USH2A: variants seen among roughly 807,000 people sequenced by gnomAD.
The protein encoded by USH2A is usherin.
In USH2A, 443 loss-of-function variants were observed where a neutral mutation model predicts 538.9. The observed-to-expected ratio is 0.82, with a 90% CI of 0.76 to 0.89. The LOEUF is 0.89. Among genes scored for constraint, USH2A ranks in the 40% least tolerant of loss-of-function variants. The pLI is 0.00. For missense variants in USH2A, 6,633 were observed against 6,324.8 expected, an observed-to-expected ratio of 1.05 and a Z score of -1.65; for synonymous variants, 2,413 against 2,273.5, an observed-to-expected ratio of 1.06 and a Z score of -1.75.
In USH2A at chr1:215,674,139, A is replaced by G. The variant is rs371624323; in HGVS notation, c.13772T>C (p.Met4591Thr). 30 of 1,614,048 alleles carry G rather than the reference A, an allele frequency of 1.9e-5. No homozygotes were observed. The highest frequency in any genetic ancestry group is 2.4e-5 in the Non-Finnish European group (28 of 1,180,024). Residue 4591 changes from methionine to threonine, a missense_variant, in exon 63 of 72, where the codon ATG (methionine) becomes ACG (threonine). Physicochemically the swap from Met to Thr is moderately conservative, Grantham distance 81 (BLOSUM62 -1). Coordinates refer to ENST00000307340, the MANE Select transcript of USH2A (RefSeq NM_206933.4). ...CAGCTGGTTTACTATATATGACTGC[A>G]TACCAAAAGAATTATGAGTTGTGTT... Reference protein sequence around the residue: ...HINTTHNSFGMQSYIVNQLKP... With the variant: ...HINTTHNSFGTQSYIVNQLKP...
At chr1:216,010,013 G>T (rs1429945107) in intron 32 of USH2A, among the ~76,000 whole-genome samples, 3 of 151,982 alleles carry the variant, frequency 2.0e-5, no homozygotes, top group Non-Finnish European at 2.9e-5. Flanking sequence ...AAGTCAAAAG[G>T]CTGTCTTATA....
intron 13 of USH2A, among the ~76,000 whole-genome samples, chr1:216,238,593 T>C: frequency 6.6e-6 from 1 of 152,306 alleles, no homozygotes; most frequent in South Asian, 2.1e-4. Context: ...TTAAAACCAA[T>C]GTGTCTCTAA....
At chr1:216,109,424 T>C (rs920164026) in intron 21 of USH2A, among the ~76,000 whole-genome samples, 25 of 152,196 alleles carry the variant, frequency 1.6e-4, no homozygotes, top group Non-Finnish European at 3.4e-4. Flanking sequence ...AGCACTCTGA[T>C]CACCTATGAA....
chr1:215,667,687 G>A (rs1373202421), intron 64 of USH2A, among the ~76,000 whole-genome samples: 1 of 150,976 alleles, frequency 6.6e-6, no homozygotes, highest in Non-Finnish European at 1.5e-5. Context: ...GACAGAGCGA[G>A]ACTGTGTCTC....
At chr1:215,709,947 A>G (rs573465922) in intron 61 of USH2A, among the ~76,000 whole-genome samples, 26 of 152,250 alleles carry the variant, frequency 1.7e-4, no homozygotes, top group Admixed American at 5.9e-4. Flanking sequence ...TAGAGTGAAG[A>G]AGACCGATGC....
chr1:216,225,933 T>C (rs1293486564), intron 14 of USH2A, among the ~76,000 whole-genome samples: 1 of 152,122 alleles, frequency 6.6e-6, no homozygotes, highest in Non-Finnish European at 1.5e-5. Context: ...TGGGTGATCA[T>C]GTGTTTGAAA....
intron 44 of USH2A, among the ~76,000 whole-genome samples, chr1:215,858,256 C>T (rs148595989): frequency 2.0e-5 from 3 of 151,974 alleles, no homozygotes; most frequent in African/African-American, 7.2e-5. Context: ...AGGTATTGCC[C>T]TACTTGTGGG....
chr1:216,039,072 A>G (rs764507694), intron 32 of USH2A, among the ~76,000 whole-genome samples: 5 of 152,046 alleles, frequency 3.3e-5, no homozygotes, highest in Admixed American at 6.6e-5. Context: ...TAATGGAAGA[A>G]CGACACTTAG....
At chr1:216,377,851 GAAAGAAAGAAAGAAA>G (rs1558061822) in intron 3 of USH2A, among the ~76,000 whole-genome samples, 21 of 133,910 alleles carry the variant, frequency 1.6e-4, no homozygotes, top group African/African-American at 5.8e-4. Flanking sequence ...AAGAAAGAAA[GAAAGAAAGAAAGAAA>G]GAAGGAAAGA....
intron 12 of USH2A, among the ~76,000 whole-genome samples, chr1:216,248,074 A>G (rs557873083): frequency 2.5e-4 from 38 of 152,146 alleles, no homozygotes; most frequent in African/African-American, 8.7e-4. Flanking sequence ...CTATTTTATC[A>G]TTTTCAATTA....
At chr1:216,175,807 A>G (rs192326659) in intron 20 of USH2A, among the ~76,000 whole-genome samples, 5 of 152,272 alleles carry the variant, frequency 3.3e-5, no homozygotes, top group Admixed American at 2.0e-4. Flanking sequence ...TGGTGCCCCA[A>G]CCACAGTCCC....
At chr1:216,204,585 C>A (rs2035071244) in intron 16 of USH2A, among the ~76,000 whole-genome samples, 1 of 152,130 alleles carries the variant, frequency 6.6e-6, no homozygotes, top group South Asian at 2.1e-4. Flanking sequence ...AACAAACTAT[C>A]AAACTTGCTT....
chr1:216,066,670 A>G (rs917100853), intron 30 of USH2A, among the ~76,000 whole-genome samples: 2 of 152,208 alleles, frequency 1.3e-5, no homozygotes, highest in Admixed American at 1.3e-4. Flanking sequence ...ATGTAGTTGT[A>G]TCTCATTCTT....
At chr1:216,399,013 T>A (rs1260504682) in intron 3 of USH2A, among the ~76,000 whole-genome samples, 1 of 152,192 alleles carries the variant, frequency 6.6e-6, no homozygotes, top group African/African-American at 2.4e-5. Context: ...TCCAACTCTT[T>A]ACTAAGTTAG....
intron 35 of USH2A, among the ~76,000 whole-genome samples, chr1:215,975,235 C>G (rs1047081664): frequency 8.5e-5 from 13 of 152,204 alleles, no homozygotes; most frequent in African/African-American, 3.1e-4. Context: ...TGACCTTTGT[C>G]AAATGGATGG....
At chr1:215,699,956 C>G (rs187120636) in intron 61 of USH2A, among the ~76,000 whole-genome samples, 1 of 152,110 alleles carries the variant, frequency 6.6e-6, no homozygotes, top group South Asian at 2.1e-4. Context: ...TCATAAATAG[C>G]TCTTATTATT....
Position 215,934,706 on chromosome 1 carries a change from G to A in USH2A, c.7210C>T (p.Pro2404Ser). Residue 2404 changes from proline to serine, a missense_variant, in exon 38 of 72, where the codon CCT (proline) becomes TCT (serine). Pro to Ser is a moderately conservative substitution (Grantham distance 74, BLOSUM62 -1). Transcript: ENST00000307340. The stretch of plus-strand genomic sequence containing the variant: ...ACTTGTACAGTATAGTTGGTAAAAG[G>A]AACCAGCCCATCGATGAGCACCCAA... The part of the protein sequence containing the change: ...NLWVLIDGLV[P>S]FTNYTVQVNI... The A allele has an allele frequency of 6.2e-7, 1 of 1,612,824 alleles. No individual in the cohort carries two copies. Among genetic ancestry groups the A allele is most frequent in the South Asian group, 1.1e-5 (1 of 91,060 alleles).
In USH2A at chr1:215,876,133, A is replaced by G. The variant is rs187298385; in HGVS notation, c.8681+1625T>C. On this transcript the variant is annotated intron_variant, in intron 43 of 71. Coordinates refer to ENST00000307340, the MANE Select transcript of USH2A (RefSeq NM_206933.4). ...AAGCAAAAATAAATGAATTTATTCT[A>G]CTGAAGTGATAATCATATAGGGATG... Among the ~76,000 whole-genome samples, 19 of 152,124 alleles carry G rather than the reference A, an allele frequency of 1.2e-4. 1 individual carries two copies. Among genetic ancestry groups the G allele is most frequent in the Admixed American group, 1.1e-3 (17 of 15,262 alleles).
At position 216,292,373 on chromosome 1, in the gene USH2A, A is replaced by G. The variant is rs768947579; in HGVS notation, c.1645-3T>C. 9.3e-6 allele frequency: 15 copies of G among 1,613,654 alleles called. No homozygotes were observed. In the South Asian group the frequency reaches 1.3e-4, roughly 14 times the overall value. On this transcript the variant is annotated splice_polypyrimidine_tract_variant and splice_region_variant and intron_variant, in intron 9 of 71. Coordinates refer to ENST00000307340, the MANE Select transcript of USH2A (RefSeq NM_206933.4). ...TAAAGAGGCAAGCAGCGATCACACT[A>G]GAACAAAAAATATCAGAACAGTAAA...
Sources: allele counts gnomAD v4.1 joint callset (sites outside exome capture counted in the v4.1 genomes callset), GRCh38; gene constraint gnomAD v4.1.1; transcripts MANE v1.5; gene names NCBI Gene and HGNC (gene_info 2026-07-23, HGNC 2026-07-21).